Variants in ZNF26 observed in about 807,000 individuals in gnomAD.
The protein encoded by ZNF26 is zinc finger protein 26.
Under a neutral mutation model 54.9 loss-of-function variants are expected in ZNF26, and 32 were observed. That is an observed-to-expected ratio of 0.58 (90% confidence interval 0.44 to 0.78). ZNF26 has a LOEUF of 0.78. ZNF26 is among the 30% of genes least tolerant of loss of function. The pLI is 0.00. For missense variants in ZNF26, 524 were observed against 634.0 expected (o/e 0.83, Z 1.86); for synonymous variants, 221 against 209.2 (o/e 1.06, Z -0.49).
chr12:132,991,008 G>A (rs1398721122), intron 1 of ZNF26, among the ~76,000 whole-genome samples: 1 of 151,612 alleles, frequency 6.6e-6, no homozygotes. Context: ...ACAGGTGTGT[G>A]CCACCATGCC....
intron 1 of ZNF26, among the ~76,000 whole-genome samples, chr12:133,002,206 C>T (rs1953233072): frequency 6.6e-6 from 1 of 152,156 alleles, no homozygotes; most frequent in Admixed American, 6.6e-5. Flanking sequence ...GTTTGCTTGG[C>T]CAGGCTGCTT....
In ZNF26 at chr12:133,010,926, A is replaced by T; in HGVS notation, c.1047A>T (p.Lys349Asn). ...CCTATCAATGCAGTGATTGTGGGAA[A>T]GCCTTCAATATGAAGACACAACTCA... ...EKPYQCSDCG[K>N]AFNMKTQLIV... is the part of the protein sequence containing the mutation. Residue 349 changes from lysine to asparagine, a missense_variant, in exon 4 of 4, where the codon AAA (lysine) becomes AAT (asparagine). Physicochemically the swap from Lys to Asn is moderately conservative, Grantham distance 94. Transcript: ENST00000328654. 2 of 1,614,154 alleles carry T rather than the reference A, an allele frequency of 1.2e-6. No individual in the cohort carries two copies. The highest frequency in any genetic ancestry group is 1.7e-6 in the Non-Finnish European group (2 of 1,180,024).
At position 133,001,811 on chromosome 12, in the gene ZNF26, G is replaced by A. The variant is rs1566259059; in HGVS notation, c.34-5231G>A. 1.2e-5 allele frequency: 9 copies of A among 739,896 alleles called. No homozygotes were observed. The highest frequency in any genetic ancestry group is 2.6e-5 in the Admixed American group (1 of 38,026). 45.8% of individuals were successfully genotyped at this position (739,896 alleles called of 1,614,324 possible). The stretch of plus-strand genomic sequence containing the variant: ...CCCAGCTGCCTTTTGAGAGTCCCGC[G>A]GCAGTCTTTGCCTTCAGAATTTTTC... On this transcript the variant is annotated intron_variant, in intron 1 of 3. Coordinates refer to ENST00000328654, the MANE Select transcript of ZNF26 (RefSeq NM_019591.4). The surrounding 1 kb of genome is among the most constrained non-coding windows in gnomAD (Gnocchi z 4.7).
chr12:133,018,696 C>CA lies in ZNF26; in HGVS notation c.*7216dup, dbSNP rs1392180686. 1.3e-5 allele frequency: 2 copies of CA among 152,082 alleles called. No individual in the cohort carries two copies. Among genetic ancestry groups the CA allele is most frequent in the Non-Finnish European group, 2.9e-5 (2 of 68,024 alleles). 9.4% of individuals were successfully genotyped at this position (152,082 alleles called of 1,614,324 possible). ...TTGCTCTATTGCCCAGGCTGGAGTGCAGTTGCATGATCATAGCTCACTGCA... is the reference window on the plus strand; with the variant it reads ...TTGCTCTATTGCCCAGGCTGGAGTGCAAGTTGCATGATCATAGCTCACTGCA... On this transcript the variant is annotated 3_prime_UTR_variant, in exon 4 of 4. Transcript: ENST00000328654.
At position 132,986,732 on chromosome 12, in the gene ZNF26, G is replaced by A; in HGVS notation, c.-109G>A. 2 of 1,277,654 alleles carry A rather than the reference G, an allele frequency of 1.6e-6. No individual in the cohort carries two copies. Among genetic ancestry groups the A allele is most frequent in the Non-Finnish European group, 2.2e-6 (2 of 918,628 alleles). The allele number at this position is 1,277,654 out of a possible 1,614,324, so 79.1% of individuals were successfully genotyped here. ...CGACTCGGCCCCGGGACGGTCAGGA[G>A]CCTGGGGCCCTGGTCCCGCACCTGT... On this transcript the variant is annotated 5_prime_UTR_variant, in exon 1 of 4. Coordinates refer to ENST00000328654, the MANE Select transcript of ZNF26 (RefSeq NM_019591.4).
intron 3 of ZNF26, among the ~76,000 whole-genome samples, chr12:133,009,524 C>G (rs1187498196): frequency 2.0e-5 from 3 of 151,446 alleles, no homozygotes; most frequent in Non-Finnish European, 2.9e-5. Flanking sequence ...CCCAGGAGGT[C>G]GAGGCTGCAG....
At chr12:132,996,727 T>C (rs1224720513) in intron 1 of ZNF26, among the ~76,000 whole-genome samples, 1 of 152,220 alleles carries the variant, frequency 6.6e-6, no homozygotes, top group African/African-American at 2.4e-5. Context: ...TCCTGCGTTT[T>C]AAAGCTTTTT....
At chr12:132,990,404 T>C (rs73433655) in intron 1 of ZNF26, among the ~76,000 whole-genome samples, 2,682 of 152,340 alleles carry the variant, frequency 0.018, 76 homozygotes, top group African/African-American at 0.062. Flanking sequence ...TAAATCCCAC[T>C]TGGCTGTGGT....
Position 133,010,904 on chromosome 12 carries a change from A to G in ZNF26, c.1025A>G (p.Tyr342Cys), listed in dbSNP as rs1953456527. Residue 342 changes from tyrosine (Y) to cysteine (C), a missense_variant, in exon 4 of 4, where the codon TAT becomes TGT. Physicochemically the swap from Tyr to Cys is radical, Grantham distance 194. Transcript: ENST00000328654. ...CGAATGCATACAGGAGAAAAACCCT[A>G]TCAATGCAGTGATTGTGGGAAAGCC... is the stretch of plus-strand genomic sequence containing the variant. ...HIRMHTGEKP[Y>C]QCSDCGKAFN... 2 of 1,614,124 alleles carry G rather than the reference A, an allele frequency of 1.2e-6. No homozygotes were observed. Among genetic ancestry groups the G allele is most frequent in the Non-Finnish European group, 1.7e-6 (2 of 1,180,028 alleles).
chr12:133,007,540 A>G lies in ZNF26; in HGVS notation c.256+8A>G. On this transcript the variant is annotated splice_region_variant and intron_variant, in intron 3 of 3. Coordinates refer to ENST00000328654, the MANE Select transcript of ZNF26 (RefSeq NM_019591.4). Reference sequence around the variant, plus strand: ...CCAGGCAGAGCTGTCCAGGTGGGTGAGTGAGAAAGAGGAAGGTGGGAGGCA... The same window carrying G: ...CCAGGCAGAGCTGTCCAGGTGGGTGGGTGAGAAAGAGGAAGGTGGGAGGCA... The G allele has an allele frequency of 6.2e-7, 1 of 1,604,566 alleles. No homozygotes were observed. The highest frequency in any genetic ancestry group is 1.1e-5 in the South Asian group (1 of 90,070).
At chr12:132,987,673 T>G in intron 1 of ZNF26, 2 of 984,880 alleles carry the variant, frequency 2.0e-6, no homozygotes, top group South Asian at 9.4e-5. Flanking sequence ...AGCCTGTAAC[T>G]CACATGGGAG....
intron 1 of ZNF26, chr12:133,006,144 G>C: frequency 2.0e-6 from 2 of 985,172 alleles, no homozygotes; most frequent in Non-Finnish European, 2.4e-6. Flanking sequence ...CTTTGCTGTT[G>C]CTTAGAATGC....
At position 133,012,515 on chromosome 12, in the gene ZNF26, C is replaced by G. The variant is rs1298872830; in HGVS notation, c.*1034C>G. 7 of 146,318 alleles carry G rather than the reference C, an allele frequency of 4.8e-5. No homozygotes were observed. The highest frequency in any genetic ancestry group is 1.8e-4 in the African/African-American group (7 of 39,494). The allele number at this position is 146,318 out of a possible 1,614,324, so 9.1% of individuals were successfully genotyped here. A position where few individuals can be genotyped will look rare whatever the true frequency, so the allele number is the denominator to read the frequency against. ...GTGGATACGATCCCTTTAGAACCTG[C>G]TTCTCTGATCTGTGTGTTTCCTCAC... On this transcript the variant is annotated 3_prime_UTR_variant, in exon 4 of 4. Transcript: ENST00000328654.
chr12:132,994,666 T>C (rs1953036146), intron 1 of ZNF26, among the ~76,000 whole-genome samples: 1 of 151,576 alleles, frequency 6.6e-6, no homozygotes, highest in Non-Finnish European at 1.5e-5. Flanking sequence ...ATAATTTGTC[T>C]GTTGTAATAA....
At chr12:133,007,585 A>G in intron 3 of ZNF26, 53 bp downstream of exon 3, 4 of 1,296,614 alleles carry the variant, frequency 3.1e-6, no homozygotes, top group Admixed American at 1.9e-5. Context: ...GCTGATGAGT[A>G]CCTGAGGAGT....
rs778933371 is a variant in ZNF26 at position 132,996,384 on chromosome 12, G to A, written c.33+9511G>A. Among the ~76,000 whole-genome samples the A allele has an allele frequency of 1.7e-3, 264 of 152,330 alleles. 5 individuals are homozygous for A. Among genetic ancestry groups the A allele is most frequent in the Non-Finnish European group, 3.1e-3 (213 of 68,030 alleles). On this transcript the variant is annotated intron_variant, in intron 1 of 3. Transcript: ENST00000328654. The stretch of plus-strand genomic sequence containing the variant: ...AGCAATTTTAGCTCACCCAAGAGGA[G>A]CTCTTTTCTCTCGCAATTTTAGTTT...
chr12:133,021,302 C>T lies in ZNF26; in HGVS notation c.*9821C>T, dbSNP rs961077315. The stretch of plus-strand genomic sequence containing the variant: ...AGTAGCTGGGATTACAGGTGCCCAC[C>T]ACCACGCCCAGCTAGTTTTTATATT... On this transcript the variant is annotated 3_prime_UTR_variant, in exon 4 of 4. Transcript: ENST00000328654. 6.6e-6 allele frequency: 1 copy of T among 151,500 alleles called. No individual in the cohort carries two copies. The highest frequency in any genetic ancestry group is 2.4e-5 in the African/African-American group (1 of 41,296). The allele number at this position is 151,500 out of a possible 1,614,324, so 9.4% of individuals were successfully genotyped here.
intron 1 of ZNF26, among the ~76,000 whole-genome samples, chr12:133,002,586 C>T (rs1050409786): frequency 5.9e-5 from 9 of 151,772 alleles, no homozygotes; most frequent in Non-Finnish European, 7.4e-5. Context: ...CCCTCTGTCT[C>T]ATGACTCTGT....
At chr12:132,990,279 C>T (rs1853295042) in intron 1 of ZNF26, among the ~76,000 whole-genome samples, 2 of 152,104 alleles carry the variant, frequency 1.3e-5, no homozygotes, top group South Asian at 2.1e-4. Flanking sequence ...CAGAGCGAGA[C>T]CCTGTCTCAA....
Sources: gnomAD v4.1 joint callset for allele counts (sites outside exome capture counted in the v4.1 genomes callset) on GRCh38, gnomAD v4.1.1 for gene constraint, Gnocchi (gnomAD v3.1) non-coding constraint, MANE v1.5 for transcripts, NCBI Gene and HGNC (gene_info 2026-07-23, HGNC 2026-07-21) for gene names.